Variants in CCDC14 observed in about 807,000 individuals in gnomAD.
CCDC14 encodes coiled-coil domain-containing protein 14.
CCDC14 carries 71 observed loss-of-function variants against 81.4 expected under a neutral mutation model. The ratio of observed to expected loss-of-function variants is 0.87; its 90% CI spans 0.72 to 1.06. The LOEUF (loss-of-function observed/expected upper bound fraction) is 1.06, where lower values mean the gene tolerates loss of function less well. Among genes scored for constraint, CCDC14 ranks in the 50% least tolerant of loss-of-function variants. The pLI is 0.00. For missense variants in CCDC14, 1,046 were observed against 1,047.3 expected, an observed-to-expected ratio of 1.00 and a Z score of 0.02; for synonymous variants, 332 against 364.8, an observed-to-expected ratio of 0.91 and a Z score of 1.03.
At chr3:123,918,587 C>T (rs1275031897) in intron 12 of CCDC14, among the ~76,000 whole-genome samples, 1 of 152,176 alleles carries the variant, frequency 6.6e-6, no homozygotes, top group Non-Finnish European at 1.5e-5. Context: ...TCACCCCTTT[C>T]CAAGCCAGTT....
Position 123,955,916 on chromosome 3 carries a change from T to C in CCDC14, c.279A>G (p.Glu93=), listed in dbSNP as rs1207654429. The C allele has an allele frequency of 1.3e-6, 2 of 1,537,396 alleles. No individual in the cohort carries two copies. Among genetic ancestry groups the C allele is most frequent in the East Asian group, 2.5e-5 (1 of 40,730 alleles). The change falls in exon 5 of 13, where the codon GAA becomes GAG. Residue 93 remains glutamate (E), a synonymous_variant. Transcript: ENST00000409697. The part of the protein sequence containing the change: ...LENRSNSRPL[E]SKRYGSKKKR... ...TCTTTTTTGATCCGTATCTTTTGCT[T>C]TCTAAAGGTCTAGAATTAGATCTGT... is the stretch of plus-strand genomic sequence containing the variant.
At chr3:123,939,462 TTAG>T in intron 9 of CCDC14, among the ~76,000 whole-genome samples, 2 of 150,902 alleles carry the variant, frequency 1.3e-5, no homozygotes, top group Middle Eastern at 3.4e-3. Context: ...TTTTTTTTTT[TTAG>T]AGATAGGGTC....
the CCDC14 span, among the ~76,000 whole-genome samples, chr3:123,891,526 G>C: frequency 6.7e-6 from 1 of 148,448 alleles, no homozygotes; most frequent in Non-Finnish European, 1.5e-5. Context: ...CAAATCTCTA[G>C]GGCAGTGGTA....
downstream of CCDC14, among the ~76,000 whole-genome samples, chr3:123,896,653 A>G (rs892200832): frequency 6.6e-6 from 1 of 152,116 alleles, no homozygotes; most frequent in Non-Finnish European, 1.5e-5. Context: ...GGGGGTGGGA[A>G]GGGGTTAAAA....
At chr3:123,953,411 C>T (rs932070439) in intron 5 of CCDC14, 3 of 152,228 alleles carry the variant, frequency 2.0e-5, no homozygotes, top group Non-Finnish European at 4.4e-5. Flanking sequence ...TGTGCAGCAT[C>T]CATATGGGTC....
At chr3:123,889,414 A>AT in the CCDC14 span, among the ~76,000 whole-genome samples, 3 of 152,148 alleles carry the variant, frequency 2.0e-5, no homozygotes, top group African/African-American at 4.8e-5. Context: ...ACAATCTCAA[A>AT]TAAAAAAAAG....
At position 123,946,987 on chromosome 3, in the gene CCDC14, T is replaced by C; in HGVS notation, c.1017A>G (p.Glu339=). 6.2e-7 allele frequency: 1 copy of C among 1,614,030 alleles called. No homozygotes were observed. Residue 339 remains glutamate (E), a synonymous_variant, in exon 8 of 13, where the codon GAA becomes GAG. Coordinates refer to ENST00000409697, the MANE Select transcript of CCDC14 (RefSeq NM_001366335.1). ...QSQPAFLATN[E]EKCAREQIRE... ...TAATTTGCTCTCTGGCACATTTTTC[T>C]TCATTAGTGGCCAAGAAAGCTGGTT...
rs1236312969 is a variant in CCDC14 at position 123,915,332 on chromosome 3, T to C, written c.2165A>G (p.Asp722Gly). 1 of 1,613,962 alleles carries C rather than the reference T, an allele frequency of 6.2e-7. No homozygotes were observed. The highest frequency in any genetic ancestry group is 1.7e-5 in the Admixed American group (1 of 60,026). ...EGSETMALIEDEHNLDNTIYI... is the reference protein window; with the variant it reads ...EGSETMALIEGEHNLDNTIYI... ...AATTGTATTATCCAAATTATGCTCA[T>C]CTTCTATTAAAGCCATAGTTTCACT... The change falls in exon 13 of 13, where the codon GAT becomes GGT. Residue 722 changes from aspartate (D) to glycine (G), a missense_variant. By Grantham distance (94) the Asp-to-Gly change is moderately conservative. Coordinates refer to ENST00000409697, the MANE Select transcript of CCDC14 (RefSeq NM_001366335.1).
chr3:123,912,937 C>T (rs1275497647), downstream of CCDC14, among the ~76,000 whole-genome samples: 1 of 152,088 alleles, frequency 6.6e-6, no homozygotes, highest in Admixed American at 6.6e-5. Flanking sequence ...CCAAATTCAA[C>T]CAATCTCCAC....
chr3:123,902,242 C>A (rs1286624116), intron 5 of CCDC14, among the ~76,000 whole-genome samples: 1 of 152,130 alleles, frequency 6.6e-6, no homozygotes, highest in Non-Finnish European at 1.5e-5. Flanking sequence ...ATTGGGTAAC[C>A]AAACAGCAGA....
intron 12 of CCDC14, among the ~76,000 whole-genome samples, chr3:123,926,374 A>G (rs531495172): frequency 1.3e-5 from 2 of 151,980 alleles, no homozygotes; most frequent in Non-Finnish European, 2.9e-5. Context: ...TCAGCTAAAG[A>G]CACTGATTTT....
intron 5 of CCDC14, among the ~76,000 whole-genome samples, chr3:123,900,838 A>T (rs1321953071): frequency 6.6e-6 from 1 of 152,198 alleles, no homozygotes; most frequent in African/African-American, 2.4e-5. Context: ...AGTTCCAATT[A>T]GAATTTCAAC....
At position 123,914,946 on chromosome 3, in the gene CCDC14, A is replaced by C. The variant is rs1315780996; in HGVS notation, c.2551T>G (p.Cys851Gly). 4 of 1,614,066 alleles carry C rather than the reference A, an allele frequency of 2.5e-6. No homozygotes were observed. The highest frequency in any genetic ancestry group is 4.5e-5 in the East Asian group (2 of 44,884). Reference sequence around the variant, plus strand: ...TCAGAAGTGAAAACACTACCATCACAGACAGTATTGCCTTTCACTTGAAGG... The same window carrying C: ...TCAGAAGTGAAAACACTACCATCACCGACAGTATTGCCTTTCACTTGAAGG... ...NSLQVKGNTV[C>G]DGSVFTSDLM... The change falls in exon 13 of 13, where the codon TGT becomes GGT. Residue 851 changes from cysteine (C) to glycine (G), a missense_variant. Physicochemically the swap from Cys to Gly is radical, Grantham distance 159. Coordinates refer to ENST00000409697, the MANE Select transcript of CCDC14 (RefSeq NM_001366335.1).
chr3:123,945,011 G>C, intron 8 of CCDC14, 21 bp from the exon 9 acceptor site: 1 of 1,528,986 alleles, frequency 6.5e-7, no homozygotes, highest in Non-Finnish European at 8.9e-7. Flanking sequence ...CAACAGAAAT[G>C]AGTAAAATCA....
intron 9 of CCDC14, among the ~76,000 whole-genome samples, chr3:123,936,876 G>A (rs2036085922): frequency 6.6e-6 from 1 of 151,940 alleles, no homozygotes; most frequent in Non-Finnish European, 1.5e-5. Flanking sequence ...CACCCCTAAA[G>A]TTTCCTCATA....
At chr3:123,959,592 A>G (rs2037550045) in intron 1 of CCDC14, among the ~76,000 whole-genome samples, 1 of 152,116 alleles carries the variant, frequency 6.6e-6, no homozygotes, top group South Asian at 2.1e-4. Context: ...TTTTCACTCC[A>G]TTAATCATTT....
intron 8 of CCDC14, among the ~76,000 whole-genome samples, chr3:123,945,711 G>T (rs1264975307): frequency 2.0e-5 from 3 of 152,136 alleles, no homozygotes; most frequent in Non-Finnish European, 2.9e-5. Flanking sequence ...TAACCTAGAA[G>T]TTGAAAGTGT....
chr3:123,927,567 G>A (rs2148837909), intron 12 of CCDC14, among the ~76,000 whole-genome samples: 1 of 152,244 alleles, frequency 6.6e-6, no homozygotes, highest in East Asian at 1.9e-4. Flanking sequence ...TCATTCATAA[G>A]AGTGCAGTCA....
chr3:123,922,206 T>C (rs2035088146), intron 12 of CCDC14, among the ~76,000 whole-genome samples: 1 of 152,036 alleles, frequency 6.6e-6, no homozygotes, highest in Admixed American at 6.6e-5. Context: ...ATGACAACAT[T>C]TATGGGATGC....
Sources: gnomAD v4.1 joint callset for allele counts (sites outside exome capture counted in the v4.1 genomes callset) on GRCh38, gnomAD v4.1.1 for gene constraint, MANE v1.5 for transcripts, NCBI Gene and HGNC (gene_info 2026-07-23, HGNC 2026-07-21) for gene names.